Variants in NEB observed in about 807,000 individuals in gnomAD.
NEB encodes the protein nebulin.
Under a neutral mutation model 952.2 loss-of-function variants are expected in NEB, and 512 were observed. The ratio of observed to expected loss-of-function variants is 0.54; its 90% CI spans 0.50 to 0.58. The LOEUF (loss-of-function observed/expected upper bound fraction) is 0.58, where lower values mean the gene tolerates loss of function less well. Among genes scored for constraint, NEB ranks in the 20% least tolerant of loss-of-function variants. The pLI is 0.00. For missense variants in NEB, 8,428 were observed against 9,231.1 expected (o/e 0.91, Z 3.56); for synonymous variants, 2,900 against 3,149.8 (o/e 0.92, Z 2.66).
chr2:151,684,719 A>G, intron 28 of NEB, 59 bp downstream of exon 28: 1 of 1,424,558 alleles, frequency 7.0e-7, no homozygotes, highest in African/African-American at 1.4e-5. Context: ...CTCAACTTCA[A>G]AGTCCATTTC....
At position 151,668,000 on chromosome 2, in the gene NEB, G is replaced by A. The variant is rs151120848; in HGVS notation, c.4612-89C>T. 3.3e-4 allele frequency: 306 copies of A among 940,702 alleles called. 1 individual carries two copies. In the East Asian group the frequency reaches 5.1e-3, roughly 16 times the overall value. 58.3% of individuals were successfully genotyped at this position (940,702 alleles called of 1,614,324 possible). On this transcript the variant is annotated intron_variant, in intron 39 of 181. Coordinates refer to ENST00000397345, the MANE Select transcript of NEB (RefSeq NM_001164508.2). ...CAAAATGTTTCTTATAAAACATGTC[G>A]TAATAGATCCCTTTCTATTAAGACA... is the stretch of plus-strand genomic sequence containing the variant.
chr2:151,628,938 T>C (rs2098597918), intron 68 of NEB, among the ~76,000 whole-genome samples: 1 of 151,944 alleles, frequency 6.6e-6, no homozygotes, highest in Admixed American at 6.6e-5. Flanking sequence ...AAGTCTGAAT[T>C]TTCCACCAAA....
In NEB at chr2:151,562,404, T is replaced by C. The variant is rs2288208; in HGVS notation, c.18892-190A>G. Among the ~76,000 whole-genome samples the C allele has an allele frequency of 4.9e-3, 739 of 152,308 alleles. 12 individuals are homozygous for C. The highest frequency in any genetic ancestry group is 0.046 in the East Asian group (237 of 5,180). ...GAGCAATATCAATGTCTGAGTCTAT[T>C]GTGAAACCAATTAAATATTTAACAT... On this transcript the variant is annotated intron_variant, in intron 120 of 181. Coordinates refer to ENST00000397345, the MANE Select transcript of NEB (RefSeq NM_001164508.2).
At chr2:151,600,923 T>C (rs2153904836) in intron 88 of NEB, among the ~76,000 whole-genome samples, 170 bp from the exon 89 acceptor site, 1 of 41,376 alleles carries the variant, frequency 2.4e-5, no homozygotes, top group South Asian at 1.3e-3. Context: ...GTTTGTCTTC[T>C]GTGTCTACAT....
At chr2:151,536,616 C>G (rs1351485173) in intron 141 of NEB, among the ~76,000 whole-genome samples, 1 of 152,076 alleles carries the variant, frequency 6.6e-6, no homozygotes, top group Non-Finnish European at 1.5e-5. Flanking sequence ...AGAATATGCC[C>G]TAGAATGAAT....
chr2:151,695,049 T>C (rs114983921), intron 18 of NEB, among the ~76,000 whole-genome samples: 2,142 of 152,320 alleles, frequency 0.014, 28 homozygotes, highest in Non-Finnish European at 0.019. Context: ...TACTCATTTA[T>C]AGAATTATTG....
chr2:151,591,579 TGAAA>T (rs1297447266), intron 95 of NEB, 124 bp from the exon 96 acceptor site: 1 of 849,766 alleles, frequency 1.2e-6, no homozygotes, highest in African/African-American at 1.7e-5. Context: ...TTAAGATTTA[TGAAA>T]GAGTCTGGTT....
intron 54 of NEB, among the ~76,000 whole-genome samples, chr2:151,648,746 T>C (rs1260571973): frequency 6.6e-6 from 1 of 152,260 alleles, no homozygotes; most frequent in Non-Finnish European, 1.5e-5. Flanking sequence ...TAAATGTTCC[T>C]GTGGGACAAA....
intron 54 of NEB, 94 bp downstream of exon 54, chr2:151,650,082 G>T: frequency 8.6e-7 from 1 of 1,164,710 alleles, no homozygotes; most frequent in Non-Finnish European, 1.3e-6. Context: ...ATGAGGCAAT[G>T]CTTTGTGGTT....
chr2:151,680,116 G>T, intron 30 of NEB, 94 bp from the exon 31 acceptor site: 2 of 964,158 alleles, frequency 2.1e-6, no homozygotes, highest in Non-Finnish European at 3.2e-6. Context: ...ATATTTCACA[G>T]AGGTGGTTTT....
chr2:151,522,695 G>C (rs2082707627), intron 153 of NEB, among the ~76,000 whole-genome samples: 1 of 152,210 alleles, frequency 6.6e-6, no homozygotes, highest in Admixed American at 6.5e-5. Flanking sequence ...AAGAATCAGA[G>C]GAAGACAGAA....
chr2:151,695,943 T>C (rs980046930), intron 17 of NEB, among the ~76,000 whole-genome samples: 2 of 152,190 alleles, frequency 1.3e-5, no homozygotes, highest in Admixed American at 6.5e-5. Context: ...CAATTGTCCC[T>C]GCAGGTTCTG....
chr2:151,512,981 G>T, intron 160 of NEB, 144 bp from the exon 161 acceptor site: 3 of 648,272 alleles, frequency 4.6e-6, no homozygotes, highest in Non-Finnish European at 8.1e-6. Flanking sequence ...TTCCTATTTT[G>T]TTCATAGTTT....
In NEB at chr2:151,694,340, C is replaced by T. The variant is rs774208206; in HGVS notation, c.1879G>A (p.Ala627Thr). The T allele has an allele frequency of 6.2e-7, 1 of 1,613,552 alleles. No individual in the cohort carries two copies. ...AAACTCACATCACTCTGGTTTTTGG[C>T]CACCTTCAAGGAGTGCAGCATCTTG... ...DPKMLHSLKV[A>T]KNQSDRLYKE... The change falls in exon 20 of 182, where the codon GCC becomes ACC. Residue 627 changes from alanine (A) to threonine (T), a missense_variant. Ala to Thr is a moderately conservative substitution (Grantham distance 58, BLOSUM62 0). Around this residue, in one of 11 missense-constraint regions of NEB, gnomAD observed 2,851 missense variants for 2,791.5 expected, o/e 1.02. Coordinates refer to ENST00000397345, the MANE Select transcript of NEB (RefSeq NM_001164508.2).
chr2:151,629,251 T>G (rs1348840102), intron 68 of NEB, among the ~76,000 whole-genome samples: 1 of 152,194 alleles, frequency 6.6e-6, no homozygotes, highest in Non-Finnish European at 1.5e-5. Context: ...AATATGGAGA[T>G]GAATTTCTCA....
At chr2:151,617,012 C>T (rs1238655393) in intron 75 of NEB, among the ~76,000 whole-genome samples, 2 of 152,140 alleles carry the variant, frequency 1.3e-5, no homozygotes, top group East Asian at 1.9e-4. Context: ...AAATAATATG[C>T]GGCTTACTAA....
intron 164 of NEB, 75 bp downstream of exon 164, chr2:151,506,091 A>C: frequency 1.6e-6 from 2 of 1,258,862 alleles, no homozygotes; most frequent in Non-Finnish European, 2.3e-6. Context: ...AGAGGCTTTG[A>C]GTGCAACTCA....
Position 151,497,709 on chromosome 2 carries a change from T to C in NEB, c.24217A>G (p.Lys8073Glu), listed in dbSNP as rs1261648216. 13 of 1,577,460 alleles carry C rather than the reference T, an allele frequency of 8.2e-6. No individual in the cohort carries two copies. Among genetic ancestry groups the C allele is most frequent in the Non-Finnish European group, 1.1e-5 (13 of 1,159,170 alleles). The change falls in exon 171 of 182, where the codon AAA becomes GAA. Residue 8073 changes from lysine (K) to glutamate (E), a missense_variant. Physicochemically the swap from Lys to Glu is moderately conservative, Grantham distance 56. This residue lies in a region of NEB where 3,374 missense variants were observed against 3,651.5 expected (regional missense o/e 0.92). Transcript: ENST00000397345. ...NQENLSSVLY[K>E]ENMGKGTPLP... ...GGGGTTCCCTTGCCCATGTTTTCTTTGTATAACACCTGTGCGATAAGAAAG... is the reference window on the plus strand; with the variant it reads ...GGGGTTCCCTTGCCCATGTTTTCTTCGTATAACACCTGTGCGATAAGAAAG...
chr2:151,660,892 T>A (rs1469780340), intron 46 of NEB, among the ~76,000 whole-genome samples: 1 of 152,182 alleles, frequency 6.6e-6, no homozygotes, highest in Non-Finnish European at 1.5e-5. Flanking sequence ...CATAGGCCGA[T>A]TGAGTACTTG....
Sources: allele counts gnomAD v4.1 joint callset (sites outside exome capture counted in the v4.1 genomes callset), GRCh38; gene constraint gnomAD v4.1.1; regional missense constraint gnomAD v4.1.1; transcripts MANE v1.5; gene names NCBI Gene and HGNC (gene_info 2026-07-23, HGNC 2026-07-21).